Variants in SLC26A11 observed in about 807,000 individuals in gnomAD.
SLC26A11 encodes the protein sodium-independent sulfate anion transporter.
SLC26A11 carries 58 observed loss-of-function variants against 62.2 expected under a neutral mutation model. That is an observed-to-expected ratio of 0.93 (90% CI 0.76 to 1.16). The LOEUF is 1.16. Ranked by LOEUF, SLC26A11 falls within the 50% of genes most tolerant of loss-of-function variation. The pLI, the probability that SLC26A11 is intolerant of heterozygous loss-of-function variation, is 0.00. For synonymous variants in SLC26A11, 411 were observed against 368.9 expected (o/e 1.11, Z -1.31); for missense variants, 790 against 794.3 (o/e 0.99, Z 0.06).
In SLC26A11 at chr17:80,246,470, C is replaced by T; in HGVS notation, c.1154-39C>T. 1 of 1,603,536 alleles carries T rather than the reference C, an allele frequency of 6.2e-7. No individual in the cohort carries two copies. The highest frequency in any genetic ancestry group is 8.5e-7 in the Non-Finnish European group (1 of 1,179,664). Reference sequence around the variant, plus strand: ...TGCTACGCTGCGTGCTGGGGGGACCCTGCACTCCCGAGGTCACCTGTGTTC... The same window carrying T: ...TGCTACGCTGCGTGCTGGGGGGACCTTGCACTCCCGAGGTCACCTGTGTTC... On this transcript the variant is annotated intron_variant, in intron 12 of 17. Transcript: ENST00000361193. The surrounding 1 kb of genome is among the most constrained non-coding windows in gnomAD (Gnocchi z 4.4).
chr17:80,224,462 TGA>T (rs1567944786), intron 5 of SLC26A11, among the ~76,000 whole-genome samples: 6 of 151,048 alleles, frequency 4.0e-5, no homozygotes, highest in African/African-American at 1.2e-4. Context: ...TGTGAGAGTG[TGA>T]GTGTGTGAGT....
intron 16 of SLC26A11, among the ~76,000 whole-genome samples, chr17:80,250,527 G>A (rs2144989444): frequency 6.6e-6 from 1 of 152,270 alleles, no homozygotes; most frequent in East Asian, 1.9e-4. Context: ...GGTCTTTGGA[G>A]ATGATTCACT....
At chr17:80,237,287 G>C (rs1375441717) in intron 8 of SLC26A11, 184 bp downstream of exon 8, 1 of 829,382 alleles carries the variant, frequency 1.2e-6, no homozygotes, top group Admixed American at 2.9e-5. Flanking sequence ...GCGAGCTCAG[G>C]GATGTCACGT....
At chr17:80,224,625 C>T (rs886323738) in intron 5 of SLC26A11, among the ~76,000 whole-genome samples, 6 of 151,830 alleles carry the variant, frequency 4.0e-5, no homozygotes, top group African/African-American at 9.7e-5. Context: ...TGTGGGTGAG[C>T]GTGATTTGTA....
At chr17:80,235,201 A>G (rs1320752145) in intron 7 of SLC26A11, among the ~76,000 whole-genome samples, 2 of 151,068 alleles carry the variant, frequency 1.3e-5, no homozygotes, top group Non-Finnish European at 2.9e-5. Context: ...TAACAGTTGC[A>G]ATCTTTCCTC....
intron 7 of SLC26A11, among the ~76,000 whole-genome samples, chr17:80,230,847 G>T (rs1010271964): frequency 2.0e-5 from 3 of 152,146 alleles, no homozygotes; most frequent in East Asian, 1.9e-4. Context: ...CTTTGAGAAT[G>T]AGTTTATTAT....
intron 16 of SLC26A11, among the ~76,000 whole-genome samples, chr17:80,249,959 T>TAGAATTTCA (rs2043115721): frequency 6.6e-6 from 1 of 152,036 alleles, no homozygotes; most frequent in Non-Finnish European, 1.5e-5. Context: ...GAAAAACGTA[T>TAGAATTTCA]TGTCAGGGCT....
At chr17:80,245,080 T>C (rs1296859418) in intron 10 of SLC26A11, 116 bp from the exon 11 acceptor site, 35 of 866,934 alleles carry the variant, frequency 4.0e-5, no homozygotes, top group Middle Eastern at 4.3e-4. Context: ...CCAGGATGAT[T>C]CTCCCGAGCC....
At chr17:80,241,873 C>G in intron 10 of SLC26A11, 52 bp downstream of exon 10, 1 of 1,587,540 alleles carries the variant, frequency 6.3e-7, no homozygotes, top group African/African-American at 1.3e-5. Context: ...CTCCAGGGTC[C>G]CAGGCCTGCC....
At chr17:80,236,599 C>T (rs2042699248) in intron 7 of SLC26A11, among the ~76,000 whole-genome samples, 1 of 152,208 alleles carries the variant, frequency 6.6e-6, no homozygotes, top group Admixed American at 6.5e-5. Context: ...AATCTGGTTT[C>T]TTCCTCCTTT....
At chr17:80,244,997 A>T (rs969487528) in intron 10 of SLC26A11, among the ~76,000 whole-genome samples, 199 bp from the exon 11 acceptor site, 4 of 145,056 alleles carry the variant, frequency 2.8e-5, no homozygotes, top group East Asian at 2.0e-4. Context: ...AAAAAAAAAA[A>T]GGCTAGGCTT....
At position 80,246,398 on chromosome 17, in the gene SLC26A11, GC is replaced by G. The variant is rs1320365544; in HGVS notation, c.1154-108del. 2.0e-6 allele frequency: 3 copies of G among 1,490,158 alleles called. No homozygotes were observed. In the Admixed American group the frequency reaches 5.8e-5, roughly 29 times the overall value. The allele number at this position is 1,490,158 out of a possible 1,614,324, so 92.3% of individuals were successfully genotyped here. ...GGGGCTGGGGGCCTTGGCAGTCGTC[GC>G]CCTACCCCCACCCCTGTCCCCAGTG... is the stretch of plus-strand genomic sequence containing the variant. On this transcript the variant is annotated intron_variant, in intron 12 of 17. Coordinates refer to ENST00000361193, the MANE Select transcript of SLC26A11 (RefSeq NM_001166347.2). The surrounding 1 kb of genome is among the most constrained non-coding windows in gnomAD (Gnocchi z 4.4).
chr17:80,247,993 A>G, intron 13 of SLC26A11, 137 bp from the exon 14 acceptor site: 2 of 1,070,418 alleles, frequency 1.9e-6, no homozygotes, highest in Admixed American at 3.1e-5. Flanking sequence ...GCTGTCCCCA[A>G]GTCCTCAGGG....
At position 80,220,459 on chromosome 17, in the gene SLC26A11, G is replaced by T; in HGVS notation, c.-251G>T. On this transcript the variant is annotated 5_prime_UTR_variant, in exon 1 of 18. Coordinates refer to ENST00000361193, the MANE Select transcript of SLC26A11 (RefSeq NM_001166347.2). ...CGGCGATTCCTGCGGACCCAGCTGCGGCGACGCCAGGAGACCCCAAGCTGC... is the reference window on the plus strand; with the variant it reads ...CGGCGATTCCTGCGGACCCAGCTGCTGCGACGCCAGGAGACCCCAAGCTGC... 1 of 694,152 alleles carries T rather than the reference G, an allele frequency of 1.4e-6. No homozygotes were observed. Among genetic ancestry groups the T allele is most frequent in the Non-Finnish European group, 2.1e-6 (1 of 467,628 alleles). 43.0% of individuals were successfully genotyped at this position (694,152 alleles called of 1,614,324 possible).
In SLC26A11 at chr17:80,249,259, G is replaced by A; in HGVS notation, c.1628G>A (p.Gly543Asp). The A allele has an allele frequency of 6.2e-7, 1 of 1,611,100 alleles. No homozygotes were observed. The highest frequency in any genetic ancestry group is 2.2e-5 in the East Asian group (1 of 44,868). ...GELLQDFQKQ[G>D]VALAFVGLQV... ...CTCCTCCAGGACTTCCAGAAGCAGG[G>A]CGTCGCCCTGGCCTTTGTGGGCCTG... Residue 543 changes from glycine (G) to aspartate (D), a missense_variant, in exon 16 of 18, where the codon GGC becomes GAC. Coordinates refer to ENST00000361193, the MANE Select transcript of SLC26A11 (RefSeq NM_001166347.2).
At chr17:80,250,224 G>T (rs2043121246) in intron 16 of SLC26A11, among the ~76,000 whole-genome samples, 1 of 152,220 alleles carries the variant, frequency 6.6e-6, no homozygotes, top group African/African-American at 2.4e-5. Context: ...CAGGCGCCCA[G>T]AGGAGACATT....
In SLC26A11 at chr17:80,220,445, GC is replaced by G; in HGVS notation, c.-264del. 1 of 869,822 alleles carries G rather than the reference GC, an allele frequency of 1.1e-6. No individual in the cohort carries two copies. The highest frequency in any genetic ancestry group is 3.4e-5 in the East Asian group (1 of 29,832). The allele number at this position is 869,822 out of a possible 1,614,324, so 53.9% of individuals were successfully genotyped here. ...CCCCGGCCTGTCCCCGGCGATTCCT[GC>G]GGACCCAGCTGCGGCGACGCCAGGA... On this transcript the variant is annotated 5_prime_UTR_variant, in exon 1 of 18. Transcript: ENST00000361193.
chr17:80,228,161 T>A lies in SLC26A11; in HGVS notation c.736+201T>A, dbSNP rs2042464374. ...AATTAATTATTTTTTGAGACAGAGTTTCGCTCTGTCGCCCAGGCTGGAGTA... is the reference window on the plus strand; with the variant it reads ...AATTAATTATTTTTTGAGACAGAGTATCGCTCTGTCGCCCAGGCTGGAGTA... On this transcript the variant is annotated intron_variant, in intron 7 of 17. Coordinates refer to ENST00000361193, the MANE Select transcript of SLC26A11 (RefSeq NM_001166347.2). The surrounding 1 kb of genome is among the most constrained non-coding windows in gnomAD (Gnocchi z 4.1). Among the ~76,000 whole-genome samples the A allele has an allele frequency of 6.6e-6, 1 of 152,124 alleles. No homozygotes were observed. The highest frequency in any genetic ancestry group is 2.4e-5 in the African/African-American group (1 of 41,418).
rs1380760971 is a variant in SLC26A11 at position 80,246,889 on chromosome 17, CG to C, written c.1294+245del. On this transcript the variant is annotated intron_variant, in intron 13 of 17. Transcript: ENST00000361193. This position sits in a 1 kb window ranked among gnomAD's most constrained non-coding sequence, Gnocchi z 4.4. ...TGGGGTCTTGAGGCGAGCACTGACC[CG>C]GGGGAGGGTCCCCTCCTGATCCCCC... is the stretch of plus-strand genomic sequence containing the variant. Among the ~76,000 whole-genome samples the C allele has an allele frequency of 6.6e-6, 1 of 151,930 alleles. No individual in the cohort carries two copies. The highest frequency in any genetic ancestry group is 1.5e-5 in the Non-Finnish European group (1 of 67,958).
Sources: gnomAD v4.1 joint callset for allele counts (sites outside exome capture counted in the v4.1 genomes callset) on GRCh38, gnomAD v4.1.1 for gene constraint, Gnocchi (gnomAD v3.1) non-coding constraint, MANE v1.5 for transcripts, NCBI Gene and HGNC (gene_info 2026-07-23, HGNC 2026-07-21) for gene names.